Variants in MACROD2 observed in about 807,000 individuals in gnomAD.
The protein encoded by MACROD2 is ADP-ribose glycohydrolase MACROD2.
Under a neutral mutation model 70.4 loss-of-function variants are expected in MACROD2, and 36 were observed. The observed-to-expected ratio is 0.51, with a 90% CI of 0.39 to 0.68. MACROD2 has a LOEUF of 0.68. Among genes scored for constraint, MACROD2 ranks in the 30% least tolerant of loss-of-function variants. MACROD2 has a pLI of 0.00. For missense variants in MACROD2, 496 were observed against 538.4 expected (o/e 0.92, Z 0.78); for synonymous variants, 172 against 178.8 (o/e 0.96, Z 0.30).
chr20:14,218,483 G>A (rs1569211412), intron 3 of MACROD2, among the ~76,000 whole-genome samples: 2 of 152,202 alleles, frequency 1.3e-5, no homozygotes, highest in East Asian at 3.9e-4. Context: ...TATCTCTTAA[G>A]TGGAGCATTT....
chr20:15,283,688 AAAAC>A (rs951532777), intron 6 of MACROD2, among the ~76,000 whole-genome samples: 12 of 152,274 alleles, frequency 7.9e-5, no homozygotes, highest in African/African-American at 2.2e-4. Context: ...AAACAAACAA[AAAAC>A]AAACAAAAAC....
rs73259200 is a variant in MACROD2 at position 14,193,693 on chromosome 20, T to A, written c.271+107965T>A. 1.7e-3 allele frequency among the ~76,000 whole-genome samples: 259 copies of A among 152,164 alleles called. 1 individual carries two copies. Among genetic ancestry groups the A allele is most frequent in the African/African-American group, 5.9e-3 (246 of 41,510 alleles). On this transcript the variant is annotated intron_variant, in intron 3 of 17. Coordinates refer to ENST00000684519, the MANE Select transcript of MACROD2 (RefSeq NM_001351661.2). The stretch of plus-strand genomic sequence containing the variant: ...TGCAGCTATAGTCAGAGATGAAACA[T>A]TGATTGAAGCAGGGTGGGAAAGAGA...
chr20:14,554,971 A>G lies in MACROD2; in HGVS notation c.301+61463A>G, dbSNP rs147303975. Among the ~76,000 whole-genome samples, 757 of 151,966 alleles carry G rather than the reference A, an allele frequency of 5.0e-3. 7 individuals are homozygous for G. The highest frequency in any genetic ancestry group is 0.017 in the African/African-American group (715 of 41,484). On this transcript the variant is annotated intron_variant, in intron 4 of 17. Transcript: ENST00000684519. ...GGGGAGACATACTTCCTTCAAATAT[A>G]TAGGTTAGAGGTAGGGGGTAGGGAT...
intron 3 of MACROD2, among the ~76,000 whole-genome samples, chr20:14,344,606 G>T (rs1240644059): frequency 1.3e-5 from 2 of 152,080 alleles, no homozygotes; most frequent in Admixed American, 6.6e-5. Flanking sequence ...CAAATACTTT[G>T]CTAGGTTTCC....
intron 3 of MACROD2, among the ~76,000 whole-genome samples, chr20:14,367,414 T>A (rs2083282556): frequency 6.6e-6 from 1 of 152,234 alleles, no homozygotes. Flanking sequence ...GTATCCTTTT[T>A]GTTAAGTCTA....
At chr20:15,066,865 G>C (rs2075580032) in intron 5 of MACROD2, among the ~76,000 whole-genome samples, 1 of 149,394 alleles carries the variant, frequency 6.7e-6, no homozygotes, top group Non-Finnish European at 1.5e-5. Context: ...CTGGGTGACA[G>C]AGAGAGACTC....
At chr20:15,105,365 T>G (rs1303873081) in intron 5 of MACROD2, among the ~76,000 whole-genome samples, 10 of 152,178 alleles carry the variant, frequency 6.6e-5, no homozygotes, top group Non-Finnish European at 1.5e-4. Flanking sequence ...TGCCTCTGGT[T>G]GCACCGTTCC....
At chr20:15,303,396 C>T (rs886911095) in intron 6 of MACROD2, among the ~76,000 whole-genome samples, 1 of 152,124 alleles carries the variant, frequency 6.6e-6, no homozygotes, top group South Asian at 2.1e-4. Flanking sequence ...CTAAAGGCAC[C>T]CTTTTCTCCA....
intron 8 of MACROD2, among the ~76,000 whole-genome samples, chr20:15,741,372 T>C (rs2051103800): frequency 1.3e-5 from 2 of 152,134 alleles, no homozygotes; most frequent in Admixed American, 6.5e-5. Flanking sequence ...GTGCTGGGAT[T>C]ACAGGCATGA....
intron 5 of MACROD2, among the ~76,000 whole-genome samples, chr20:15,228,545 A>C (rs1466520082): frequency 7.6e-6 from 1 of 131,320 alleles, no homozygotes; most frequent in Non-Finnish European, 1.5e-5. Context: ...TGTGAGGTGC[A>C]GCGGTGCAAT....
intron 9 of MACROD2, among the ~76,000 whole-genome samples, chr20:15,882,228 G>C (rs1257140131): frequency 6.6e-6 from 1 of 152,046 alleles, no homozygotes; most frequent in Non-Finnish European, 1.5e-5. Flanking sequence ...GCATGAGAAT[G>C]ATTATCCACT....
intron 5 of MACROD2, among the ~76,000 whole-genome samples, chr20:15,202,078 C>G (rs2076661364): frequency 6.6e-6 from 1 of 152,112 alleles, no homozygotes; most frequent in South Asian, 2.1e-4. Context: ...CTCATGGTGC[C>G]TGATATTTGG....
At chr20:15,529,731 A>G (rs1346264482) in intron 8 of MACROD2, among the ~76,000 whole-genome samples, 1 of 152,182 alleles carries the variant, frequency 6.6e-6, no homozygotes, top group Non-Finnish European at 1.5e-5. Flanking sequence ...GACACAGTAG[A>G]ATTAAAACTC....
chr20:15,141,721 A>G (rs939284784), intron 5 of MACROD2, among the ~76,000 whole-genome samples: 4 of 152,090 alleles, frequency 2.6e-5, no homozygotes, highest in African/African-American at 9.7e-5. Flanking sequence ...TTTTGTTTCA[A>G]TGCTGCCAGA....
At chr20:14,876,091 CAAA>C (rs911161040) in intron 5 of MACROD2, among the ~76,000 whole-genome samples, 8 of 152,158 alleles carry the variant, frequency 5.3e-5, no homozygotes, top group Non-Finnish European at 8.8e-5. Flanking sequence ...CTCCCACCAA[CAAA>C]GTATAAGCAT....
intron 6 of MACROD2, among the ~76,000 whole-genome samples, chr20:15,291,828 A>G (rs546667130): frequency 1.3e-5 from 2 of 152,342 alleles, no homozygotes; most frequent in Non-Finnish European, 2.9e-5. Flanking sequence ...ATAAGAGCAT[A>G]GTAGAATATC....
rs892787520 is a variant in MACROD2, at chr20:14,409,788, G to A, written c.272-83691G>A. Among the ~76,000 whole-genome samples the A allele has an allele frequency of 5.9e-5, 9 of 152,102 alleles. 1 individual carries two copies. The highest frequency in any genetic ancestry group is 4.6e-4 in the Admixed American group (7 of 15,254). On this transcript the variant is annotated intron_variant, in intron 3 of 17. Coordinates refer to ENST00000684519, the MANE Select transcript of MACROD2 (RefSeq NM_001351661.2). Reference sequence around the variant, plus strand: ...TTAATTGCTGCTCGGGTTGGAGAGCGCATTGATACAAGAATGCTCAAAGAC... The same window carrying A: ...TTAATTGCTGCTCGGGTTGGAGAGCACATTGATACAAGAATGCTCAAAGAC...
At chr20:15,588,123 C>T (rs1293131010) in intron 8 of MACROD2, among the ~76,000 whole-genome samples, 2 of 152,216 alleles carry the variant, frequency 1.3e-5, no homozygotes, top group Non-Finnish European at 2.9e-5. Flanking sequence ...GGTTCCCAAA[C>T]CTCAATTCTT....
chr20:14,698,174 G>A (rs1600554567), intron 5 of MACROD2, among the ~76,000 whole-genome samples: 1 of 152,070 alleles, frequency 6.6e-6, no homozygotes. Context: ...TTTTACTTGG[G>A]GGCCCTTCCT....
Sources: allele counts gnomAD v4.1 joint callset (sites outside exome capture counted in the v4.1 genomes callset), GRCh38; gene constraint gnomAD v4.1.1; transcripts MANE v1.5; gene names NCBI Gene and HGNC (gene_info 2026-07-23, HGNC 2026-07-21).